SLC9A7: variants seen among roughly 807,000 people sequenced by gnomAD.
SLC9A7 encodes the protein solute carrier family 9 member A7.
SLC9A7 carries 19 observed loss-of-function variants against 52.6 expected under a neutral mutation model. The observed-to-expected ratio is 0.36, with a 90% CI of 0.25 to 0.53. SLC9A7 has a LOEUF of 0.53. SLC9A7 is among the 20% of genes least tolerant of loss of function. The pLI is 0.91. For missense variants in SLC9A7, 455 were observed against 597.9 expected (o/e 0.76, Z 2.49); for synonymous variants, 226 against 252.1 (o/e 0.90, Z 0.98).
At chrX:46,640,137 A>G (rs764717704) in intron 12 of SLC9A7, among the ~76,000 whole-genome samples, 7 of 112,160 alleles carry the variant, frequency 6.2e-5, no homozygotes, top group African/African-American at 2.3e-4. Context: ...CCATAACAAT[A>G]AAGTGGGAGG....
chrX:46,660,992 C>G (rs1292474507), intron 7 of SLC9A7, among the ~76,000 whole-genome samples: 93 of 109,806 alleles, frequency 8.5e-4, no homozygotes, highest in African/African-American at 3.0e-3. Flanking sequence ...CAATGATAGA[C>G]TGGATTAAGA....
chrX:46,728,541 G>T (rs966394850), intron 1 of SLC9A7, among the ~76,000 whole-genome samples: 4 of 112,243 alleles, frequency 3.6e-5, no homozygotes, highest in African/African-American at 1.3e-4. Flanking sequence ...CTACATTGCT[G>T]ATGGAAATGA....
chrX:46,756,073 A>C (rs1205509846), intron 1 of SLC9A7, among the ~76,000 whole-genome samples: 2 of 110,907 alleles, frequency 1.8e-5, no homozygotes, highest in African/African-American at 3.3e-5. Flanking sequence ...CTTAAACACA[A>C]AAAGGTGGCA....
chrX:46,620,911 C>T lies in SLC9A7; in HGVS notation c.1823+66G>A, dbSNP rs184516758. On this transcript the variant is annotated intron_variant, in intron 15 of 16. Transcript: ENST00000616978. Reference sequence around the variant, plus strand: ...TCCTTACTTATCAGGTGTCATTCACCGACAATTCAACAAGATTTCATCCCC... The same window carrying T: ...TCCTTACTTATCAGGTGTCATTCACTGACAATTCAACAAGATTTCATCCCC... 19 of 830,765 alleles carry T rather than the reference C, an allele frequency of 2.3e-5. No homozygotes were observed. In the African/African-American group the frequency reaches 2.4e-4, roughly 11 times the overall value. 68.5% of individuals were successfully genotyped at this position (830,765 alleles called of 1,213,427 possible).
chrX:46,705,616 C>T (rs996289610), intron 1 of SLC9A7, among the ~76,000 whole-genome samples: 28 of 111,584 alleles, frequency 2.5e-4, no homozygotes, highest in Non-Finnish European at 4.7e-4. Flanking sequence ...AGGAGGATTG[C>T]TTGAGCTCAG....
At chrX:46,660,600 G>T (rs1447642869) in intron 7 of SLC9A7, among the ~76,000 whole-genome samples, 1 of 111,188 alleles carries the variant, frequency 9.0e-6, no homozygotes, top group African/African-American at 3.3e-5. Flanking sequence ...CTTTTATGCA[G>T]CCAAAAAACA....
rs756274086 is a variant in SLC9A7 at position 46,679,727 on chromosome X, T to C, written c.554A>G (p.Asn185Ser). The change falls in exon 3 of 17, where the codon AAC becomes AGC. Residue 185 changes from asparagine to serine, a missense_variant. Coordinates refer to ENST00000616978, the MANE Select transcript of SLC9A7 (RefSeq NM_001257291.2). ...AAAAATAATTGGAGGCAGAAGAATG[T>C]TGAAAAATACTTCTGGATCGAATGT... ...KVTFDPEVFF[N>S]ILLPPIIFHA... is the part of the protein sequence containing the mutation. 8.3e-7 allele frequency: 1 copy of C among 1,200,578 alleles called. No homozygotes were observed. The highest frequency in any genetic ancestry group is 1.1e-6 in the Non-Finnish European group (1 of 888,564).
Position 46,724,112 on chromosome X carries a change from C to T in SLC9A7, c.325+34593G>A, listed in dbSNP as rs374835907. Among the ~76,000 whole-genome samples the T allele has an allele frequency of 3.1e-4, 35 of 111,261 alleles. No individual in the cohort carries two copies. In the East Asian group the frequency reaches 6.5e-3, roughly 21 times the overall value. The stretch of plus-strand genomic sequence containing the variant: ...CCTCTCAAAACAACAACAGCAGCAA[C>T]GATGACATTTTAAAAACAATTAATT... On this transcript the variant is annotated intron_variant, in intron 1 of 16. Transcript: ENST00000616978.
intron 8 of SLC9A7, 140 bp from the exon 9 acceptor site, chrX:46,651,544 T>G: frequency 6.5e-6 from 3 of 458,116 alleles, no homozygotes; most frequent in Non-Finnish European, 1.1e-5. Context: ...TTCCTATTGC[T>G]GGGTCGGGCG....
At chrX:46,730,396 T>C (rs767720229) in intron 1 of SLC9A7, among the ~76,000 whole-genome samples, 12 of 108,966 alleles carry the variant, frequency 1.1e-4, no homozygotes, top group African/African-American at 3.6e-4. Flanking sequence ...TGGTGGCTCA[T>C]GCCTGTAATC....
chrX:46,634,807 C>T (rs1469891049), intron 13 of SLC9A7, among the ~76,000 whole-genome samples: 1 of 112,088 alleles, frequency 8.9e-6, no homozygotes, highest in East Asian at 2.8e-4. Context: ...GCTTTCACCA[C>T]TGCCCTCAAG....
intron 1 of SLC9A7, among the ~76,000 whole-genome samples, chrX:46,723,650 G>A (rs1431430024): frequency 4.5e-5 from 5 of 111,553 alleles, no homozygotes; most frequent in Non-Finnish European, 7.5e-5. Context: ...GGACTTCCTC[G>A]GTATGTAGGA....
intron 3 of SLC9A7, among the ~76,000 whole-genome samples, chrX:46,675,035 GAGAGAGAGAA>G (rs1202853776): frequency 9.2e-6 from 1 of 108,352 alleles, no homozygotes; most frequent in Non-Finnish European, 1.9e-5. Flanking sequence ...GTGAGGGAGA[GAGAGAGAGAA>G]AGAGAGAGAG....
chrX:46,688,620 T>C (rs1456423881), intron 1 of SLC9A7, among the ~76,000 whole-genome samples: 1 of 104,192 alleles, frequency 9.6e-6, no homozygotes, highest in Non-Finnish European at 2.0e-5. Context: ...AAAAAAAGAG[T>C]TATAGTTTGT....
At chrX:46,637,589 C>T (rs186173753) in intron 12 of SLC9A7, among the ~76,000 whole-genome samples, 1 of 111,589 alleles carries the variant, frequency 9.0e-6, no homozygotes, top group African/African-American at 3.3e-5. Flanking sequence ...CCCCCCAACC[C>T]ACTATCTCCA....
intron 3 of SLC9A7, among the ~76,000 whole-genome samples, chrX:46,676,218 G>T (rs904589748): frequency 2.7e-5 from 3 of 111,126 alleles, no homozygotes; most frequent in African/African-American, 9.8e-5. Flanking sequence ...GGGGCGGGGG[G>T]GCAGTATTGC....
intron 1 of SLC9A7, among the ~76,000 whole-genome samples, chrX:46,755,642 G>T (rs1211269259): frequency 9.1e-6 from 1 of 109,505 alleles, no homozygotes; most frequent in East Asian, 2.9e-4. Context: ...GGCCAAGATG[G>T]TGAAACCCAA....
chrX:46,614,859 C>T lies in SLC9A7; in HGVS notation c.1824-1465G>A, dbSNP rs372294065. Among the ~76,000 whole-genome samples the T allele has an allele frequency of 2.4e-4, 27 of 111,921 alleles. No individual in the cohort carries two copies. The East Asian group carries it at 5.3e-3, about 22-fold the overall frequency. The stretch of plus-strand genomic sequence containing the variant: ...TTCAAAGAAAGTTGAGGAGATGCCA[C>T]CGCCATCTGTACCTAACAGGATGAC... On this transcript the variant is annotated intron_variant, in intron 15 of 16. Transcript: ENST00000616978.
chrX:46,731,529 G>A (rs1569524561), intron 1 of SLC9A7, among the ~76,000 whole-genome samples: 1 of 109,079 alleles, frequency 9.2e-6, no homozygotes, highest in Non-Finnish European at 1.9e-5. Flanking sequence ...TTGGGCCCAG[G>A]AGTTTGAGAT....
Sources: gnomAD v4.1 joint callset for allele counts (sites outside exome capture counted in the v4.1 genomes callset) on GRCh38, gnomAD v4.1.1 for gene constraint, MANE v1.5 for transcripts, NCBI Gene and HGNC (gene_info 2026-07-23, HGNC 2026-07-21) for gene names.